PITPNA: variants seen among roughly 807,000 people sequenced by gnomAD.
The protein encoded by PITPNA is phosphatidylinositol transfer protein alpha isoform.
Under a neutral mutation model 50.3 loss-of-function variants are expected in PITPNA, and 13 were observed. That is an observed-to-expected ratio of 0.26 (90% confidence interval 0.17 to 0.41). The LOEUF (loss-of-function observed/expected upper bound fraction) is 0.41, where lower values mean the gene tolerates loss of function less well. PITPNA is among the 10% of genes least tolerant of loss of function. The probability of loss-of-function intolerance (pLI) is 1.00; values close to 1 mark genes in which losing one functional copy is unlikely to be tolerated. For synonymous variants in PITPNA, 120 were observed against 119.6 expected, an observed-to-expected ratio of 1.00 and a Z score of -0.02; for missense variants, 207 against 333.4, an observed-to-expected ratio of 0.62 and a Z score of 2.95.
intron 7 of PITPNA, among the ~76,000 whole-genome samples, chr17:1,537,782 T>C (rs1216677712): frequency 6.6e-6 from 1 of 151,910 alleles, no homozygotes. Context: ...TTTTCGGAAA[T>C]GCACAAATCA....
intron 10 of PITPNA, among the ~76,000 whole-genome samples, chr17:1,524,632 G>A (rs138350609): frequency 7.2e-4 from 109 of 152,074 alleles, no homozygotes; most frequent in African/African-American, 2.5e-3. Context: ...TAAGATGTGC[G>A]GTCAGGAGTT....
intron 10 of PITPNA, among the ~76,000 whole-genome samples, chr17:1,524,719 G>A (rs1243556866): frequency 2.6e-5 from 4 of 151,898 alleles, no homozygotes; most frequent in African/African-American, 9.7e-5. Flanking sequence ...CATTGTGGCA[G>A]GCACCTGTAA....
intron 1 of PITPNA, 101 bp from the exon 2 acceptor site, chr17:1,558,660 A>G: frequency 2.4e-6 from 2 of 832,982 alleles, no homozygotes; most frequent in Non-Finnish European, 4.0e-6. Flanking sequence ...TCTATTGTGT[A>G]AGACACTAAA....
chr17:1,525,702 G>A (rs2075543592), intron 10 of PITPNA, among the ~76,000 whole-genome samples: 1 of 151,828 alleles, frequency 6.6e-6, no homozygotes, highest in African/African-American at 2.4e-5. Context: ...ATTTTTAGTA[G>A]AGACGAGGTT....
At chr17:1,528,885 C>G (rs2075563194) in intron 10 of PITPNA, among the ~76,000 whole-genome samples, 1 of 152,136 alleles carries the variant, frequency 6.6e-6, no homozygotes, top group Non-Finnish European at 1.5e-5. Context: ...CACCTGTAAT[C>G]CCAACACTTT....
intron 10 of PITPNA, among the ~76,000 whole-genome samples, chr17:1,523,836 G>T (rs903897343): frequency 6.6e-6 from 1 of 151,406 alleles, no homozygotes; most frequent in African/African-American, 2.4e-5. Flanking sequence ...TTTTTTCGGT[G>T]TGTGTGGGGA....
chr17:1,555,698 A>T (rs1367151875), intron 2 of PITPNA, among the ~76,000 whole-genome samples: 1 of 152,246 alleles, frequency 6.6e-6, no homozygotes, highest in Non-Finnish European at 1.5e-5. Flanking sequence ...AAACAACAGT[A>T]CAGCTTTGGT....
rs147490501 is a variant in PITPNA at position 1,522,948 on chromosome 17, G to A, written c.769-1303C>T. 6.4e-3 allele frequency among the ~76,000 whole-genome samples: 975 copies of A among 152,310 alleles called. 17 individuals carry two copies. The highest frequency in any genetic ancestry group is 0.022 in the African/African-American group (902 of 41,558). On this transcript the variant is annotated intron_variant, in intron 10 of 11. Transcript: ENST00000313486. The stretch of plus-strand genomic sequence containing the variant: ...GAAAATCCTGTGGCTCTCCGGGAGA[G>A]GAGTTCCCGGCAGAGTAACAGAACT...
intron 3 of PITPNA, among the ~76,000 whole-genome samples, chr17:1,550,795 G>A (rs1460365704): frequency 2.6e-5 from 4 of 152,216 alleles, no homozygotes; most frequent in African/African-American, 9.6e-5. Flanking sequence ...CGTCCTGAAG[G>A]CAAAGGGAAG....
At chr17:1,548,083 A>G (rs2075687327) in intron 4 of PITPNA, among the ~76,000 whole-genome samples, 1 of 152,264 alleles carries the variant, frequency 6.6e-6, no homozygotes, top group African/African-American at 2.4e-5. Flanking sequence ...AGCATCCCCA[A>G]GTGAGAGACT....
chr17:1,562,526 C>A lies in PITPNA; in HGVS notation c.20+15G>T. On this transcript the variant is annotated intron_variant, in intron 1 of 11. Coordinates refer to ENST00000313486, the MANE Select transcript of PITPNA (RefSeq NM_006224.4). This position sits in a 1 kb window ranked among gnomAD's most constrained non-coding sequence, Gnocchi z 6.4. ...CTCCCTCCTCCCCGCTTCCGCACGG[C>A]CGCCGGACACTCACTACTCCTTGAG... 7.0e-7 allele frequency: 1 copy of A among 1,433,930 alleles called. No individual in the cohort carries two copies. Among genetic ancestry groups the A allele is most frequent in the Admixed American group, 2.3e-5 (1 of 43,656 alleles). The allele number at this position is 1,433,930 out of a possible 1,614,324, so 88.8% of individuals were successfully genotyped here. A position where few individuals can be genotyped will look rare whatever the true frequency, so the allele number is the denominator to read the frequency against.
intron 10 of PITPNA, among the ~76,000 whole-genome samples, chr17:1,527,869 A>G (rs955132467): frequency 3.3e-5 from 5 of 152,206 alleles, no homozygotes; most frequent in African/African-American, 1.2e-4. Context: ...CAATCATTTC[A>G]AAATAAAAGG....
In PITPNA at chr17:1,534,174, C is replaced by CTG; in HGVS notation, c.692_693insCA (p.Trp231CysfsTer9). The CTG allele has an allele frequency of 6.2e-7, 1 of 1,613,922 alleles. No individual in the cohort carries two copies. Among genetic ancestry groups the CTG allele is most frequent in the Non-Finnish European group, 8.5e-7 (1 of 1,179,866 alleles). ...TGGTCAGGTCAACCCACTTATCGAGCCAACAGAACAGCTGCCTGTGGAAGT... is the reference window on the plus strand; with the variant it reads ...TGGTCAGGTCAACCCACTTATCGAGCTGCAACAGAACAGCTGCCTGTGGAAGT... On this transcript the variant is annotated frameshift_variant, in exon 10 of 12. Transcript: ENST00000313486. LOFTEE classifies it high-confidence loss of function.
At chr17:1,540,267 A>G (rs1217207793) in intron 6 of PITPNA, among the ~76,000 whole-genome samples, 1 of 152,222 alleles carries the variant, frequency 6.6e-6, no homozygotes, top group Non-Finnish European at 1.5e-5. Context: ...GTACATGCAC[A>G]TAATACAAAA....
At chr17:1,544,828 C>G (rs1330970656) in intron 4 of PITPNA, among the ~76,000 whole-genome samples, 1 of 152,098 alleles carries the variant, frequency 6.6e-6, no homozygotes, top group East Asian at 1.9e-4. Context: ...ATCCCAGGCA[C>G]TGTACCCACA....
intron 10 of PITPNA, among the ~76,000 whole-genome samples, chr17:1,532,735 G>A (rs544862743): frequency 2.0e-5 from 3 of 152,252 alleles, no homozygotes; most frequent in African/African-American, 7.2e-5. Context: ...ACAATCACCA[G>A]ACCCCTGGAC....
chr17:1,532,191 G>A (rs987786847), intron 10 of PITPNA, among the ~76,000 whole-genome samples: 6 of 152,096 alleles, frequency 3.9e-5, no homozygotes, highest in Admixed American at 2.0e-4. Context: ...GGGTTCAAGC[G>A]ATTCTCCTGC....
At chr17:1,536,310 G>T (rs1452833285) in intron 7 of PITPNA, among the ~76,000 whole-genome samples, 10 of 147,178 alleles carry the variant, frequency 6.8e-5, no homozygotes, top group South Asian at 2.2e-4. Context: ...TTTTTTGAGA[G>T]GGAGTCTCGC....
chr17:1,559,801 T>C, intron 1 of PITPNA: 4 of 984,622 alleles, frequency 4.1e-6, no homozygotes, highest in Non-Finnish European at 4.8e-6. Flanking sequence ...AAAAACAAAA[T>C]GGGCTCCAAG....
Sources: allele counts gnomAD v4.1 joint callset (sites outside exome capture counted in the v4.1 genomes callset), GRCh38; gene constraint gnomAD v4.1.1; non-coding constraint Gnocchi (gnomAD v3.1); transcripts MANE v1.5; gene names NCBI Gene and HGNC (gene_info 2026-07-23, HGNC 2026-07-21).